The following DIS3L2 variants were observed in gnomAD, a reference collection of about 807,000 sequenced individuals.
DIS3L2 encodes the protein DIS3 like 3'-5' exoribonuclease 2.
In DIS3L2, 34 loss-of-function variants were observed where a neutral mutation model predicts 97.5. The ratio of observed to expected loss-of-function variants is 0.35; its 90% CI spans 0.27 to 0.46. DIS3L2 has a LOEUF of 0.46. Among genes scored for constraint, DIS3L2 ranks in the 20% least tolerant of loss-of-function variants. The pLI is 1.00. For synonymous variants in DIS3L2, 435 were observed against 445.2 expected (o/e 0.98, Z 0.29); for missense variants, 1,038 against 1,146.0 (o/e 0.91, Z 1.36).
intron 6 of DIS3L2, among the ~76,000 whole-genome samples, chr2:232,104,960 A>C (rs1195895456): frequency 6.6e-6 from 1 of 152,028 alleles, no homozygotes; most frequent in Non-Finnish European, 1.5e-5. Context: ...CTGGGACTAC[A>C]GGTGGCACCA....
At chr2:232,266,779 T>C (rs997977047) in intron 13 of DIS3L2, among the ~76,000 whole-genome samples, 5 of 152,220 alleles carry the variant, frequency 3.3e-5, no homozygotes, top group Non-Finnish European at 4.4e-5. Context: ...CTCAGACCAC[T>C]ATGTCCGTGC....
intron 5 of DIS3L2, among the ~76,000 whole-genome samples, chr2:232,041,616 G>A (rs1488234413): frequency 6.6e-6 from 1 of 152,222 alleles, no homozygotes; most frequent in African/African-American, 2.4e-5. Flanking sequence ...CCAGAATTCA[G>A]CTGTGGTATT....
chr2:231,981,612 A>AT (rs1349568894), intron 1 of DIS3L2, among the ~76,000 whole-genome samples: 2 of 140,392 alleles, frequency 1.4e-5, no homozygotes, highest in African/African-American at 5.1e-5. Flanking sequence ...ATATATATAT[A>AT]TATATATATA....
intron 5 of DIS3L2, among the ~76,000 whole-genome samples, chr2:232,030,825 A>G (rs1030797886): frequency 6.6e-6 from 1 of 152,044 alleles, no homozygotes; most frequent in Non-Finnish European, 1.5e-5. Flanking sequence ...ATTTATTTGA[A>G]GAATTTGGTG....
intron 10 of DIS3L2, among the ~76,000 whole-genome samples, chr2:232,215,313 C>A (rs149032000): frequency 2.0e-5 from 3 of 152,092 alleles, no homozygotes; most frequent in African/African-American, 4.8e-5. Flanking sequence ...CTCTGCTGCC[C>A]GCTCACATTT....
chr2:232,315,058 T>C (rs1221458783), intron 14 of DIS3L2, among the ~76,000 whole-genome samples: 2 of 152,166 alleles, frequency 1.3e-5, no homozygotes, highest in Non-Finnish European at 2.9e-5. Flanking sequence ...TTTAAGCAGA[T>C]AGTACTGCCA....
At chr2:232,339,152 A>G (rs1206514703), downstream of DIS3L2, among the ~76,000 whole-genome samples, 1 of 152,170 alleles carries the variant, frequency 6.6e-6, no homozygotes, top group East Asian at 1.9e-4. Flanking sequence ...CTGGGGAGAG[A>G]CTGACGCCTC....
intron 6 of DIS3L2, among the ~76,000 whole-genome samples, chr2:232,102,348 G>A (rs1184239150): frequency 6.6e-6 from 1 of 152,200 alleles, no homozygotes; most frequent in Non-Finnish European, 1.5e-5. Context: ...CTGGGTTGGG[G>A]AAATAATATG....
At chr2:232,114,373 T>C (rs1697637725) in intron 6 of DIS3L2, among the ~76,000 whole-genome samples, 1 of 152,190 alleles carries the variant, frequency 6.6e-6, no homozygotes, top group Admixed American at 6.5e-5. Context: ...GAAGGATTAA[T>C]TAATGAGAGT....
At chr2:231,981,098 C>T (rs940835988) in intron 1 of DIS3L2, among the ~76,000 whole-genome samples, 9 of 152,056 alleles carry the variant, frequency 5.9e-5, no homozygotes, top group Admixed American at 5.9e-4. Flanking sequence ...CATGCACCAC[C>T]ATGCCTGGCT....
chr2:232,024,128 T>C lies in DIS3L2; in HGVS notation c.211-149T>C, dbSNP rs1694592468. On this transcript the variant is annotated intron_variant, in intron 3 of 20. Transcript: ENST00000325385. ...TTCAGATATCAACATAAATTGTGTT[T>C]CCTGCATTTAATGAATATTTCTTAT... is the stretch of plus-strand genomic sequence containing the variant. 7 of 538,368 alleles carry C rather than the reference T, an allele frequency of 1.3e-5. No individual in the cohort carries two copies. In the East Asian group the frequency reaches 2.3e-4, roughly 18 times the overall value. The allele number at this position is 538,368 out of a possible 1,614,324, so 33.3% of individuals were successfully genotyped here.
chr2:232,032,640 A>C (rs895269702), intron 5 of DIS3L2, among the ~76,000 whole-genome samples: 1 of 152,220 alleles, frequency 6.6e-6, no homozygotes, highest in Admixed American at 6.5e-5. Context: ...TTTAGGTCTT[A>C]CATATAAACA....
In DIS3L2 at chr2:232,014,847, G is replaced by A; in HGVS notation, c.-81G>A. On this transcript the variant is annotated 5_prime_UTR_variant, in exon 2 of 21. Coordinates refer to ENST00000325385, the MANE Select transcript of DIS3L2 (RefSeq NM_152383.5). ...TTCTTGGTTTCAGCGAATGACAACA[G>A]AGCTGCTCAAGGCGGGAACTCTGAG... is the stretch of plus-strand genomic sequence containing the variant. The A allele has an allele frequency of 1.3e-6, 2 of 1,484,712 alleles. No individual in the cohort carries two copies. The highest frequency in any genetic ancestry group is 1.9e-6 in the Non-Finnish European group (2 of 1,073,072). 92.0% of individuals were successfully genotyped at this position (1,484,712 alleles called of 1,614,324 possible). A position where few individuals can be genotyped will look rare whatever the true frequency, so the allele number is the denominator to read the frequency against.
intron 5 of DIS3L2, among the ~76,000 whole-genome samples, chr2:232,051,585 G>T (rs1217443843): frequency 6.6e-6 from 1 of 151,836 alleles, no homozygotes; most frequent in Non-Finnish European, 1.5e-5. Flanking sequence ...GGCCGAGGCG[G>T]GCGGATCACG....
At chr2:231,963,822 G>A (rs1405561180) in intron 1 of DIS3L2, among the ~76,000 whole-genome samples, 1 of 152,096 alleles carries the variant, frequency 6.6e-6, no homozygotes, top group Non-Finnish European at 1.5e-5. Context: ...AGGCTCAAGT[G>A]ATCCTCCCAC....
At chr2:232,171,307 A>G (rs1248843948) in intron 9 of DIS3L2, among the ~76,000 whole-genome samples, 1 of 152,172 alleles carries the variant, frequency 6.6e-6, no homozygotes, top group Non-Finnish European at 1.5e-5. Flanking sequence ...CTCATGGATT[A>G]TCTTGTGGAA....
chr2:232,100,973 C>T (rs189890364), intron 6 of DIS3L2, among the ~76,000 whole-genome samples: 7 of 152,110 alleles, frequency 4.6e-5, no homozygotes, highest in African/African-American at 1.7e-4. Flanking sequence ...TGGTGGCTCA[C>T]GCCTGTAATG....
At chr2:232,016,678 C>T (rs1559544020) in intron 3 of DIS3L2, among the ~76,000 whole-genome samples, 1 of 152,094 alleles carries the variant, frequency 6.6e-6, no homozygotes, top group Non-Finnish European at 1.5e-5. Flanking sequence ...AACTATCAGG[C>T]AGGTAGTAGG....
intron 14 of DIS3L2, chr2:232,328,460 A>C (rs1002418638): frequency 6.7e-6 from 1 of 149,326 alleles, no homozygotes; most frequent in Non-Finnish European, 1.5e-5. Context: ...TGGCAGGCCC[A>C]CCCTGGGTGG....
Sources: gnomAD v4.1 joint callset for allele counts (sites outside exome capture counted in the v4.1 genomes callset) on GRCh38, gnomAD v4.1.1 for gene constraint, MANE v1.5 for transcripts, NCBI Gene and HGNC (gene_info 2026-07-23, HGNC 2026-07-21) for gene names.